Variants in EBF4 observed in about 807,000 individuals in gnomAD.
The protein encoded by EBF4 is transcription factor COE4.
EBF4 carries 34 observed loss-of-function variants against 67.1 expected under a neutral mutation model. The observed-to-expected ratio is 0.51, with a 90% CI of 0.39 to 0.67. EBF4 has a LOEUF of 0.67. EBF4 is among the 30% of genes least tolerant of loss of function. The pLI is 0.00. For synonymous variants in EBF4, 387 were observed against 377.7 expected (o/e 1.02, Z -0.29); for missense variants, 837 against 873.3 (o/e 0.96, Z 0.52).
intron 15 of EBF4, among the ~76,000 whole-genome samples, chr20:2,757,924 C>G (rs1414590743): frequency 6.6e-6 from 1 of 152,200 alleles, no homozygotes; most frequent in Non-Finnish European, 1.5e-5. Context: ...TCCAGTCTGT[C>G]TAGCCTGGAC....
exon 6 of EBF4, chr20:2,709,615 C>A: frequency 6.4e-7 from 1 of 1,556,162 alleles, no homozygotes; most frequent in Non-Finnish European, 8.7e-7. Context: ...CGGAATGAGA[C>A]GCCCTCAGAC....
chr20:2,737,261 A>AAAG (rs1555788294), intron 6 of EBF4, among the ~76,000 whole-genome samples: 25 of 150,430 alleles, frequency 1.7e-4, no homozygotes, highest in East Asian at 6.0e-4. Context: ...AAAAAAAAAA[A>AAAG]AAAAGAAAAG....
At chr20:2,752,405 G>T in exon 14 of EBF4, 1 of 1,284,694 alleles carries the variant, frequency 7.8e-7, no homozygotes, top group Middle Eastern at 3.0e-4. Context: ...TTCGCGCCCA[G>T]CCCCGGCTCG....
At position 2,745,880 on chromosome 20, in the gene EBF4, G is replaced by A. The variant is rs562343028; in HGVS notation, c.558-2669G>A. On this transcript the variant is annotated intron_variant, in intron 6 of 16. Coordinates refer to ENST00000609451, the Ensembl canonical transcript of EBF4. This position sits in a 1 kb window ranked among gnomAD's most constrained non-coding sequence, Gnocchi z 5.2. ...ATCCTGTAGGTTTGAGTGGAGTGGG[G>A]TGCAGTGGGCACATGTGTCATCTTT... Among the ~76,000 whole-genome samples, 4 of 152,292 alleles carry A rather than the reference G, an allele frequency of 2.6e-5. No homozygotes were observed. In the South Asian group the frequency reaches 8.3e-4, roughly 32 times the overall value.
intron 6 of EBF4, among the ~76,000 whole-genome samples, chr20:2,741,496 G>A (rs922012544): frequency 6.6e-6 from 1 of 152,206 alleles, no homozygotes; most frequent in Non-Finnish European, 1.5e-5. Context: ...TAAGTTAAAT[G>A]TTTGCACTTT....
chr20:2,736,038 C>T (rs73892660), intron 6 of EBF4, among the ~76,000 whole-genome samples: 7,546 of 152,148 alleles, frequency 0.05, 591 homozygotes, highest in African/African-American at 0.17. Flanking sequence ...CTGTAGCTAC[C>T]GTGACTGAGG....
intron 6 of EBF4, among the ~76,000 whole-genome samples, chr20:2,730,595 A>G (rs543739781): frequency 2.0e-5 from 3 of 152,206 alleles, no homozygotes; most frequent in African/African-American, 7.2e-5. Context: ...GACGTCCCCT[A>G]TACAAGTAAT....
chr20:2,727,377 C>T (rs1356009728), intron 6 of EBF4, among the ~76,000 whole-genome samples: 1 of 152,090 alleles, frequency 6.6e-6, no homozygotes, highest in Admixed American at 6.6e-5. Context: ...GCCAGGTTCC[C>T]CATCCTGCCC....
chr20:2,700,779 A>G (rs1287996155), intron 1 of EBF4, among the ~76,000 whole-genome samples: 1 of 151,930 alleles, frequency 6.6e-6, no homozygotes, highest in Non-Finnish European at 1.5e-5. Context: ...TGGAACTTGC[A>G]TTTCCATTCT....
intron 4 of EBF4, among the ~76,000 whole-genome samples, chr20:2,706,518 G>C (rs1050502723): frequency 1.3e-5 from 2 of 152,176 alleles, no homozygotes; most frequent in Non-Finnish European, 2.9e-5. Flanking sequence ...CCTTAGATGG[G>C]AACTCAGGTG....
At chr20:2,701,551 G>A (rs1381657724) in intron 1 of EBF4, among the ~76,000 whole-genome samples, 1 of 152,254 alleles carries the variant, frequency 6.6e-6, no homozygotes, top group Non-Finnish European at 1.5e-5. Flanking sequence ...GGGACAGGAA[G>A]CTCAGGCCAG....
intron 6 of EBF4, among the ~76,000 whole-genome samples, chr20:2,716,056 G>A (rs2087604695): frequency 6.6e-6 from 1 of 151,490 alleles, no homozygotes; most frequent in African/African-American, 2.4e-5. Flanking sequence ...GCCTTACTCT[G>A]TATTTTACTT....
At chr20:2,719,374 A>C (rs1231592761) in intron 6 of EBF4, among the ~76,000 whole-genome samples, 1 of 152,324 alleles carries the variant, frequency 6.6e-6, no homozygotes, top group Non-Finnish European at 1.5e-5. Context: ...TCCCAGGCTC[A>C]AGCGATTCTC....
chr20:2,693,818 G>T lies in EBF4; in HGVS notation c.137+36G>T. On this transcript the variant is annotated intron_variant, in intron 1 of 16. Transcript: ENST00000609451. This position sits in a 1 kb window ranked among gnomAD's most constrained non-coding sequence, Gnocchi z 4.6. ...GGACCGGACCCGGTGCGCTCGGGTT[G>T]GACGGCTGCGCGCCGCCTCAGCTCA... 1 of 1,263,356 alleles carries T rather than the reference G, an allele frequency of 7.9e-7. No homozygotes were observed. Among genetic ancestry groups the T allele is most frequent in the South Asian group, 2.7e-5 (1 of 36,378 alleles). 78.3% of individuals were successfully genotyped at this position (1,263,356 alleles called of 1,614,324 possible). A position where few individuals can be genotyped will look rare whatever the true frequency, so the allele number is the denominator to read the frequency against.
intron 6 of EBF4, among the ~76,000 whole-genome samples, chr20:2,731,291 A>G (rs1053716031): frequency 6.6e-6 from 1 of 152,228 alleles, no homozygotes; most frequent in Non-Finnish European, 1.5e-5. Context: ...TAGTTCTCTC[A>G]AAACAGTCCA....
chr20:2,708,423 T>G (rs1286505540), intron 5 of EBF4, among the ~76,000 whole-genome samples: 1 of 152,172 alleles, frequency 6.6e-6, no homozygotes, highest in African/African-American at 2.4e-5. Context: ...CAGGGCAGGG[T>G]GGGAGTGAAG....
chr20:2,714,265 A>G (rs61629889), intron 6 of EBF4, among the ~76,000 whole-genome samples: 15,718 of 151,688 alleles, frequency 0.1, 897 homozygotes, highest in Admixed American at 0.14. Context: ...TCCTGTGCTT[A>G]TTTTTCTTTT....
intron 6 of EBF4, among the ~76,000 whole-genome samples, chr20:2,712,853 G>T (rs1217649212): frequency 6.6e-6 from 1 of 152,130 alleles, no homozygotes; most frequent in Non-Finnish European, 1.5e-5. Context: ...CAAGAAGGAG[G>T]CATCTGTGTC....
At chr20:2,715,440 C>T (rs1031167237) in intron 6 of EBF4, among the ~76,000 whole-genome samples, 5 of 152,140 alleles carry the variant, frequency 3.3e-5, no homozygotes, top group Non-Finnish European at 7.3e-5. Context: ...TTGTTTGTGT[C>T]TCTTAATTTG....
Sources: gnomAD v4.1 joint callset for allele counts (sites outside exome capture counted in the v4.1 genomes callset) on GRCh38, gnomAD v4.1.1 for gene constraint, Gnocchi (gnomAD v3.1) non-coding constraint, MANE v1.5 for transcripts, NCBI Gene and HGNC (gene_info 2026-07-23, HGNC 2026-07-21) for gene names.